Variants in CRYBG2 observed in about 807,000 individuals in gnomAD.
CRYBG2 encodes the protein beta/gamma crystallin domain-containing protein 2.
In CRYBG2, 106 loss-of-function variants were observed where a neutral mutation model predicts 153.4. That is an observed-to-expected ratio of 0.69 (90% confidence interval 0.59 to 0.81). The LOEUF (loss-of-function observed/expected upper bound fraction) is 0.81, where lower values mean the gene tolerates loss of function less well. Ranked by LOEUF, CRYBG2 falls within the 30% of genes least tolerant of loss-of-function variation. CRYBG2 has a pLI of 0.00. For missense variants in CRYBG2, 1,996 were observed against 2,112.0 expected (o/e 0.95, Z 1.08); for synonymous variants, 851 against 877.8 (o/e 0.97, Z 0.54).
intron 16 of CRYBG2, 141 bp from the exon 17 acceptor site, chr1:26,328,473 T>C (rs1291218166): frequency 1.1e-5 from 15 of 1,328,768 alleles, no homozygotes; most frequent in Non-Finnish European, 1.5e-5. Flanking sequence ...GGAATAGGGT[T>C]CCCAGGGCGG....
intron 1 of CRYBG2, among the ~76,000 whole-genome samples, chr1:26,348,719 C>A (rs562469359): frequency 6.6e-6 from 1 of 152,052 alleles, no homozygotes; most frequent in South Asian, 2.1e-4. Context: ...CCATGCCCAG[C>A]TAATTTTTGT....
At chr1:26,334,254 T>C (rs1476062659) in intron 14 of CRYBG2, among the ~76,000 whole-genome samples, 1 of 151,984 alleles carries the variant, frequency 6.6e-6, no homozygotes, top group South Asian at 2.1e-4. Context: ...GAGACCCCCA[T>C]CTCTACAAAA....
chr1:26,336,589 C>T lies in CRYBG2; in HGVS notation c.4038+17G>A. 1 of 1,545,520 alleles carries T rather than the reference C, an allele frequency of 6.5e-7. No individual in the cohort carries two copies. Among genetic ancestry groups the T allele is most frequent in the Non-Finnish European group, 8.7e-7 (1 of 1,144,720 alleles). On this transcript the variant is annotated intron_variant, in intron 12 of 19. Transcript: ENST00000308182. This position sits in a 1 kb window ranked among gnomAD's most constrained non-coding sequence, Gnocchi z 4.9. ...CCCGCCACCGGGGAGGCCCCGCCCC[C>T]CGCGGCCGGCACGCACCTGTAGGAC... is the stretch of plus-strand genomic sequence containing the variant.
In CRYBG2 at chr1:26,346,954, A is replaced by G. The variant is rs1262673942; in HGVS notation, c.-55-242T>C. On this transcript the variant is annotated intron_variant, in intron 1 of 19. Coordinates refer to ENST00000308182, the MANE Select transcript of CRYBG2 (RefSeq NM_001039775.4). The surrounding 1 kb of genome is among the most constrained non-coding windows in gnomAD (Gnocchi z 4.9). ...TGATCTCCTAGGTCAGGGTCCTTCA[A>G]AGGTGAAGCTGAGGCCTGAGCCCAG... Among the ~76,000 whole-genome samples the G allele has an allele frequency of 3.3e-5, 5 of 152,126 alleles. No individual in the cohort carries two copies. Among genetic ancestry groups the G allele is most frequent in the African/African-American group, 9.7e-5 (4 of 41,424 alleles).
At position 26,336,772 on chromosome 1, in the gene CRYBG2, C is replaced by T; in HGVS notation, c.3912-40G>A. ...GGGCGCGAGTCAGCTGGGACGGAGC[C>T]TGCACCTCTCCTGGAACCGCCCCCG... On this transcript the variant is annotated intron_variant, in intron 11 of 19. Coordinates refer to ENST00000308182, the MANE Select transcript of CRYBG2 (RefSeq NM_001039775.4). The surrounding 1 kb of genome is among the most constrained non-coding windows in gnomAD (Gnocchi z 4.9). 1 of 1,569,052 alleles carries T rather than the reference C, an allele frequency of 6.4e-7. No individual in the cohort carries two copies.
chr1:26,328,554 G>A, intron 16 of CRYBG2, 180 bp downstream of exon 16: 1 of 1,136,158 alleles, frequency 8.8e-7, no homozygotes, highest in South Asian at 1.6e-5. Flanking sequence ...ACCAAGCTGG[G>A]GTCTAAGCCC....
chr1:26,334,783 C>T (rs370036530), intron 14 of CRYBG2, among the ~76,000 whole-genome samples: 1 of 151,898 alleles, frequency 6.6e-6, no homozygotes, highest in Non-Finnish European at 1.5e-5. Flanking sequence ...ATTAGCTGGG[C>T]GTGGTGGCGG....
chr1:26,328,394 TGGA>T, intron 16 of CRYBG2, 62 bp from the exon 17 acceptor site: 1 of 1,537,228 alleles, frequency 6.5e-7, no homozygotes, highest in Non-Finnish European at 8.8e-7. Context: ...GACAGACAGG[TGGA>T]GGAGGAGACA....
chr1:26,344,348 C>A lies in CRYBG2; in HGVS notation c.2310G>T (p.Thr770=), dbSNP rs549881877. Reference sequence around the variant, plus strand: ...TCTCAGGGGGCTCCATGCTCCGCAGCGTATCCAGGAATATCTCCAGGTCAG... The same window carrying A: ...TCTCAGGGGGCTCCATGCTCCGCAGAGTATCCAGGAATATCTCCAGGTCAG... The part of the protein sequence containing the change: ...LAADLEIFLD[T]LRSMEPPEIL... The change falls in exon 2 of 20, where the codon ACG becomes ACT. Residue 770 remains threonine (T), a synonymous_variant. Coordinates refer to ENST00000308182, the MANE Select transcript of CRYBG2 (RefSeq NM_001039775.4). The A allele has an allele frequency of 4.0e-6, 6 of 1,504,702 alleles. No individual in the cohort carries two copies. Among genetic ancestry groups the A allele is most frequent in the Non-Finnish European group, 1.8e-6 (2 of 1,123,968 alleles). The allele number at this position is 1,504,702 out of a possible 1,614,324, so 93.2% of individuals were successfully genotyped here.
chr1:26,333,355 C>G lies in CRYBG2; in HGVS notation c.4185-1737G>C, dbSNP rs189961637. On this transcript the variant is annotated intron_variant, in intron 14 of 19. Coordinates refer to ENST00000308182, the MANE Select transcript of CRYBG2 (RefSeq NM_001039775.4). ...GCGAGGTGGGCGGATCACCTGAGGT[C>G]GGGAGTTCGAGGCCAGCCTGACCAA... Among the ~76,000 whole-genome samples, 469 of 152,128 alleles carry G rather than the reference C, an allele frequency of 3.1e-3. 1 individual carries two copies. Among genetic ancestry groups the G allele is most frequent in the African/African-American group, 0.011 (445 of 41,484 alleles).
rs1160534806 is a variant in CRYBG2 at position 26,346,321 on chromosome 1, T to A, written c.337A>T (p.Arg113Trp). The change falls in exon 2 of 20, where the codon AGG (arginine) becomes TGG (tryptophan). Residue 113 changes from arginine to tryptophan, a missense_variant. Transcript: ENST00000308182. The surrounding 1 kb of genome is among the most constrained non-coding windows in gnomAD (Gnocchi z 4.9). Reference sequence around the variant, plus strand: ...CTCTGGTCCACAGCCTCCTTCAGCCTCCCCTCAGGCCTTTTCTCCTTGGGA... The same window carrying A: ...CTCTGGTCCACAGCCTCCTTCAGCCACCCCTCAGGCCTTTTCTCCTTGGGA... Reference protein sequence around the residue: ...PPPKEKRPEGRLKEAVDQSDG... With the variant: ...PPPKEKRPEGWLKEAVDQSDG... 1 of 1,599,244 alleles carries A rather than the reference T, an allele frequency of 6.3e-7. No individual in the cohort carries two copies. The highest frequency in any genetic ancestry group is 2.2e-5 in the East Asian group (1 of 44,858).
chr1:26,341,370 A>G (rs2074127614), intron 5 of CRYBG2, among the ~76,000 whole-genome samples: 1 of 151,958 alleles, frequency 6.6e-6, no homozygotes, highest in African/African-American at 2.4e-5. Flanking sequence ...AAACAAACCA[A>G]AAGAACCAAA....
intron 14 of CRYBG2, among the ~76,000 whole-genome samples, chr1:26,333,048 A>AAAAAAAAAAAAAAAT (rs2074016788): frequency 1.0e-4 from 13 of 128,352 alleles, no homozygotes; most frequent in Non-Finnish European, 1.8e-4. Flanking sequence ...AAAAAAAAAG[A>AAAAAAAAAAAAAAAT]TTTCTAACAG....
chr1:26,324,122 G>T (rs776054699), intron 18 of CRYBG2, 30 bp downstream of exon 18: 96 of 1,603,470 alleles, frequency 6.0e-5, no homozygotes, highest in Non-Finnish European at 7.8e-5. Context: ...TAGGGCCAGG[G>T]TGTCCCTGTG....
Position 26,343,764 on chromosome 1 carries a change from G to T in CRYBG2, c.2894C>A (p.Ser965Tyr). The T allele has an allele frequency of 6.9e-7, 1 of 1,448,048 alleles. No homozygotes were observed. The highest frequency in any genetic ancestry group is 9.1e-7 in the Non-Finnish European group (1 of 1,098,010). 89.7% of individuals were successfully genotyped at this position (1,448,048 alleles called of 1,614,324 possible). A position where few individuals can be genotyped will look rare whatever the true frequency, so the allele number is the denominator to read the frequency against. The change falls in exon 2 of 20, where the codon TCC (serine) becomes TAC (tyrosine). Residue 965 changes from serine (S) to tyrosine (Y), a missense_variant. Ser to Tyr is a moderately radical substitution (Grantham distance 144, BLOSUM62 -2). Coordinates refer to ENST00000308182, the MANE Select transcript of CRYBG2 (RefSeq NM_001039775.4). The surrounding 1 kb of genome is among the most constrained non-coding windows in gnomAD (Gnocchi z 4.1). The stretch of plus-strand genomic sequence containing the variant: ...ACTTACCCACCCCTCCAGGGGCAGG[G>T]AACAGGCAAGCTTCTCCGTTGGGGA... ...RSSPTEKLAC[S>Y]LPLEGWSPAL...
At chr1:26,340,366 A>C (rs2074115111) in intron 5 of CRYBG2, among the ~76,000 whole-genome samples, 3 of 152,190 alleles carry the variant, frequency 2.0e-5, no homozygotes, top group Non-Finnish European at 2.9e-5. Context: ...CAACCTGCCC[A>C]AGGTCACACA....
chr1:26,343,034 A>G lies in CRYBG2; in HGVS notation c.3074+13T>C. 6.5e-7 allele frequency: 1 copy of G among 1,541,934 alleles called. No individual in the cohort carries two copies. The highest frequency in any genetic ancestry group is 1.2e-5 in the South Asian group (1 of 83,818). On this transcript the variant is annotated intron_variant, in intron 4 of 19. Coordinates refer to ENST00000308182, the MANE Select transcript of CRYBG2 (RefSeq NM_001039775.4). The surrounding 1 kb of genome is among the most constrained non-coding windows in gnomAD (Gnocchi z 4.1). Reference sequence around the variant, plus strand: ...TTCACAGCCAAGTGCCTTGCTGGGCACTCCCCACTCACCAGCCTCGAACTA... The same window carrying G: ...TTCACAGCCAAGTGCCTTGCTGGGCGCTCCCCACTCACCAGCCTCGAACTA...
At chr1:26,327,507 G>C (rs983452546) in intron 17 of CRYBG2, among the ~76,000 whole-genome samples, 1 of 151,898 alleles carries the variant, frequency 6.6e-6, no homozygotes, top group Middle Eastern at 3.4e-3. Flanking sequence ...AAATTAGCCA[G>C]ATGTGGTGGC....
chr1:26,321,889 G>C lies in CRYBG2; in HGVS notation c.*79C>G. 7.9e-7 allele frequency: 1 copy of C among 1,267,796 alleles called. No individual in the cohort carries two copies. The allele number at this position is 1,267,796 out of a possible 1,614,324, so 78.5% of individuals were successfully genotyped here. Reference sequence around the variant, plus strand: ...GTACCTGGCAGCATATTAGAAAATAGCTTATGTTACAACAAAAACCCTATA... The same window carrying C: ...GTACCTGGCAGCATATTAGAAAATACCTTATGTTACAACAAAAACCCTATA... On this transcript the variant is annotated 3_prime_UTR_variant, in exon 20 of 20. Transcript: ENST00000308182.
Sources: gnomAD v4.1 joint callset for allele counts (sites outside exome capture counted in the v4.1 genomes callset) on GRCh38, gnomAD v4.1.1 for gene constraint, Gnocchi (gnomAD v3.1) non-coding constraint, MANE v1.5 for transcripts, NCBI Gene and HGNC (gene_info 2026-07-23, HGNC 2026-07-21) for gene names.